Variants in CSMD1 observed in about 807,000 individuals in gnomAD.
CSMD1 encodes the protein CUB and Sushi multiple domains 1, also known as CUB and sushi domain-containing protein 1.
A neutral mutation model predicts 417.5 loss-of-function variants in CSMD1; 213 were observed. The ratio of observed to expected loss-of-function variants is 0.51; its 90% confidence interval spans 0.46 to 0.57. The LOEUF is 0.57. Among genes scored for constraint, CSMD1 ranks in the 20% least tolerant of loss-of-function variants. The probability of loss-of-function intolerance (pLI) is 0.00; values close to 1 mark genes in which losing one functional copy is unlikely to be tolerated. For synonymous variants in CSMD1, 2,862 were observed against 1,736.8 expected, an observed-to-expected ratio of 1.65 and a Z score of -16.11; for missense variants, 6,923 against 4,529.7, an observed-to-expected ratio of 1.53 and a Z score of -15.17.
At chr8:4,170,238 C>G (rs973026380) in intron 3 of CSMD1, among the ~76,000 whole-genome samples, 2 of 151,858 alleles carry the variant, frequency 1.3e-5, no homozygotes, top group Admixed American at 1.3e-4. Flanking sequence ...CTTTCCCCAT[C>G]TCTCTTTCTC....
In CSMD1 at chr8:3,110,168, T is replaced by C. The variant is rs756048797; in HGVS notation, c.6598A>G (p.Ile2200Val). 3 of 1,606,802 alleles carry C rather than the reference T, an allele frequency of 1.9e-6. No homozygotes were observed. The highest frequency in any genetic ancestry group is 4.5e-5 in the East Asian group (2 of 44,758). Residue 2200 changes from isoleucine to valine, a missense_variant, in exon 43 of 70, where the codon ATT (isoleucine) becomes GTT (valine). Physicochemically the swap from Ile to Val is conservative, Grantham distance 29. Coordinates refer to ENST00000635120, the MANE Select transcript of CSMD1 (RefSeq NM_033225.6). ...GAGAGGTTCTCATACCAAACAGCAATGTAATCGTTGACAGCTTCCGTCTGT... is the reference window on the plus strand; with the variant it reads ...GAGAGGTTCTCATACCAAACAGCAACGTAATCGTTGACAGCTTCCGTCTGT... ...LLQTEAVNDY[I>V]AVWDGPDQNS...
At chr8:4,788,645 G>T (rs773638885) in intron 1 of CSMD1, 1 of 700,724 alleles carries the variant, frequency 1.4e-6, no homozygotes, top group Non-Finnish European at 2.4e-6. Context: ...TTTAGCTGAA[G>T]GAAAATCAAG....
At chr8:3,348,419 T>C (rs1483281757) in intron 21 of CSMD1, among the ~76,000 whole-genome samples, 3 of 152,192 alleles carry the variant, frequency 2.0e-5, no homozygotes, top group Admixed American at 6.6e-5. Context: ...CATGCTATCA[T>C]ACAGAGAGTT....
chr8:3,327,611 T>C (rs1285999476), intron 23 of CSMD1, among the ~76,000 whole-genome samples: 1 of 152,182 alleles, frequency 6.6e-6, no homozygotes, highest in East Asian at 1.9e-4. Context: ...AGGATAATTG[T>C]TTCAGTAGTG....
intron 12 of CSMD1, among the ~76,000 whole-genome samples, chr8:3,452,119 T>A (rs543799950): frequency 6.6e-6 from 1 of 152,314 alleles, no homozygotes; most frequent in East Asian, 1.9e-4. Context: ...TCTCTGTTTG[T>A]CTGTTATTGT....
At chr8:3,908,364 T>C (rs1045353718) in intron 5 of CSMD1, among the ~76,000 whole-genome samples, 1 of 152,224 alleles carries the variant, frequency 6.6e-6, no homozygotes, top group Non-Finnish European at 1.5e-5. Context: ...TTAATCATTA[T>C]GGATACATTT....
chr8:4,638,775 T>C (rs1585373979), intron 1 of CSMD1, among the ~76,000 whole-genome samples: 1 of 152,036 alleles, frequency 6.6e-6, no homozygotes, highest in South Asian at 2.1e-4. Context: ...GACATGACAA[T>C]GGGAAATGAT....
At chr8:4,286,572 C>T (rs1359484015) in intron 3 of CSMD1, among the ~76,000 whole-genome samples, 1 of 152,046 alleles carries the variant, frequency 6.6e-6, no homozygotes, top group Non-Finnish European at 1.5e-5. Flanking sequence ...CGAGGACACC[C>T]AAAACCAGCA....
chr8:3,769,283 G>C (rs1292386290), intron 5 of CSMD1, among the ~76,000 whole-genome samples: 2 of 152,058 alleles, frequency 1.3e-5, no homozygotes, highest in East Asian at 1.9e-4. Flanking sequence ...ACAAACTATA[G>C]CTAAATAGTG....
chr8:4,186,557 A>T (rs1389515312), intron 3 of CSMD1, among the ~76,000 whole-genome samples: 8 of 152,318 alleles, frequency 5.3e-5, no homozygotes, highest in African/African-American at 1.4e-4. Context: ...AATATAAAAG[A>T]CGAAATAATA....
At chr8:4,157,815 T>G (rs1022569841) in intron 3 of CSMD1, among the ~76,000 whole-genome samples, 2 of 152,138 alleles carry the variant, frequency 1.3e-5, no homozygotes, top group African/African-American at 2.4e-5. Flanking sequence ...TGGTCCAGCT[T>G]TAGTCAGTCT....
At chr8:4,051,763 G>T (rs978262612) in intron 3 of CSMD1, among the ~76,000 whole-genome samples, 1 of 152,164 alleles carries the variant, frequency 6.6e-6, no homozygotes, top group East Asian at 1.9e-4. Flanking sequence ...GCTGGTTTTG[G>T]TAGGGCTCCC....
chr8:3,124,274 G>C (rs1204875665), intron 41 of CSMD1, among the ~76,000 whole-genome samples: 2 of 152,000 alleles, frequency 1.3e-5, no homozygotes, highest in Non-Finnish European at 2.9e-5. Context: ...AACTAGAAAT[G>C]CGTCTTACTC....
chr8:3,478,936 G>A (rs890309846), intron 11 of CSMD1, among the ~76,000 whole-genome samples: 1 of 151,968 alleles, frequency 6.6e-6, no homozygotes, highest in Admixed American at 6.6e-5. Flanking sequence ...CGGTAGAGTG[G>A]GCGGAATAGG....
intron 7 of CSMD1, among the ~76,000 whole-genome samples, chr8:3,647,927 T>A (rs1797658542): frequency 6.6e-6 from 1 of 152,256 alleles, no homozygotes; most frequent in Non-Finnish European, 1.5e-5. Context: ...TTTGTTTTGT[T>A]TGTAAGAGAC....
intron 2 of CSMD1, among the ~76,000 whole-genome samples, chr8:4,583,271 C>T (rs1304643585): frequency 1.3e-5 from 2 of 152,330 alleles, no homozygotes; most frequent in East Asian, 1.9e-4. Flanking sequence ...CGGGACCCAC[C>T]GAGTGAAGCC....
chr8:3,211,950 G>C (rs1797635812), intron 30 of CSMD1, among the ~76,000 whole-genome samples: 1 of 152,214 alleles, frequency 6.6e-6, no homozygotes, highest in South Asian at 2.1e-4. Context: ...CCCTGGGCCA[G>C]GACAGGGAAG....
chr8:4,325,323 A>G (rs1450842882), intron 3 of CSMD1, among the ~76,000 whole-genome samples: 1 of 152,160 alleles, frequency 6.6e-6, no homozygotes, highest in Non-Finnish European at 1.5e-5. Flanking sequence ...AGAAACCAGT[A>G]GTTGGAGGTG....
intron 3 of CSMD1, among the ~76,000 whole-genome samples, chr8:4,377,768 G>T (rs191565810): frequency 6.6e-5 from 10 of 152,188 alleles, no homozygotes; most frequent in African/African-American, 2.4e-4. Context: ...CAGGAAAAAA[G>T]AATTTTTGGC....
Sources: gnomAD v4.1 joint callset for allele counts (sites outside exome capture counted in the v4.1 genomes callset) on GRCh38, gnomAD v4.1.1 for gene constraint, MANE v1.5 for transcripts, NCBI Gene and HGNC (gene_info 2026-07-23, HGNC 2026-07-21) for gene names.